Variants in CTNNA3 observed in about 807,000 individuals in gnomAD.
CTNNA3 encodes catenin alpha 3, also known as catenin alpha-3.
Under a neutral mutation model 95.7 loss-of-function variants are expected in CTNNA3, and 76 were observed. The ratio of observed to expected loss-of-function variants is 0.79; its 90% confidence interval spans 0.66 to 0.96. The LOEUF is 0.96. CTNNA3 is among the 40% of genes least tolerant of loss of function. CTNNA3 has a pLI of 0.00. For missense variants in CTNNA3, 1,191 were observed against 1,089.8 expected, an observed-to-expected ratio of 1.09 and a Z score of -1.31; for synonymous variants, 431 against 374.4, an observed-to-expected ratio of 1.15 and a Z score of -1.74.
intron 1 of CTNNA3, among the ~76,000 whole-genome samples, chr10:67,763,195 G>C (rs1841471535): frequency 6.6e-6 from 1 of 151,952 alleles, no homozygotes; most frequent in Non-Finnish European, 1.5e-5. Context: ...ATTCATGCCT[G>C]GCAATGTCGG....
chr10:66,401,266 C>T (rs1049314365), intron 11 of CTNNA3, among the ~76,000 whole-genome samples: 3 of 151,988 alleles, frequency 2.0e-5, no homozygotes, highest in Non-Finnish European at 2.9e-5. Context: ...GTGGCTTATT[C>T]CTATAATCCC....
intron 7 of CTNNA3, among the ~76,000 whole-genome samples, chr10:66,924,019 T>C (rs916326855): frequency 5.3e-5 from 8 of 152,256 alleles, no homozygotes; most frequent in Non-Finnish European, 1.2e-4. Flanking sequence ...CTCTTCCTAC[T>C]AGGAGAAAAT....
chr10:67,252,793 T>C (rs1866163075), intron 5 of CTNNA3, among the ~76,000 whole-genome samples: 1 of 152,190 alleles, frequency 6.6e-6, no homozygotes, highest in African/African-American at 2.4e-5. Flanking sequence ...ACTCAATGTT[T>C]TCTGGTGCAA....
chr10:67,223,597 G>A lies in CTNNA3; in HGVS notation c.580-3727C>T, dbSNP rs79769635. The stretch of plus-strand genomic sequence containing the variant: ...GATTTAAAAAGACCTTAAAGTCTGT[G>A]CAAGTGGGTAGAGAAGTAACATATG... On this transcript the variant is annotated intron_variant, in intron 5 of 17. Transcript: ENST00000433211. 0.013 allele frequency among the ~76,000 whole-genome samples: 1,978 copies of A among 152,336 alleles called. 124 individuals carry two copies. In the East Asian group the frequency reaches 0.19, roughly 15 times the overall value.
chr10:66,748,405 G>C (rs568705678), intron 9 of CTNNA3, among the ~76,000 whole-genome samples: 1 of 152,128 alleles, frequency 6.6e-6, no homozygotes, highest in African/African-American at 2.4e-5. Context: ...GCTAATTTGA[G>C]TGTGACTGTC....
At chr10:66,878,738 C>T (rs1465640544) in intron 7 of CTNNA3, among the ~76,000 whole-genome samples, 5 of 152,088 alleles carry the variant, frequency 3.3e-5, no homozygotes, top group Non-Finnish European at 1.5e-5. Flanking sequence ...CAACACCCTA[C>T]TGGACCAGTA....
intron 4 of CTNNA3, among the ~76,000 whole-genome samples, chr10:67,532,802 T>C (rs903537694): frequency 3.3e-5 from 5 of 152,150 alleles, no homozygotes; most frequent in Non-Finnish European, 7.3e-5. Context: ...CACAAAACCC[T>C]TTCAAGGTAT....
chr10:67,004,898 T>C lies in CTNNA3; in HGVS notation c.1047+175419A>G, dbSNP rs75957402. Among the ~76,000 whole-genome samples, 165 of 152,246 alleles carry C rather than the reference T, an allele frequency of 1.1e-3. No homozygotes were observed. The East Asian group carries it at 0.03, about 27-fold the overall frequency. On this transcript the variant is annotated intron_variant, in intron 7 of 17. Coordinates refer to ENST00000433211, the MANE Select transcript of CTNNA3 (RefSeq NM_013266.4). Reference sequence around the variant, plus strand: ...CCAGCCAAAAGGGAAATAACTCTAGTAGAACGCAGTATTTTAAGAACAGAT... The same window carrying C: ...CCAGCCAAAAGGGAAATAACTCTAGCAGAACGCAGTATTTTAAGAACAGAT...
At chr10:66,699,496 C>G (rs1413600324) in intron 9 of CTNNA3, among the ~76,000 whole-genome samples, 1 of 151,830 alleles carries the variant, frequency 6.6e-6, no homozygotes, top group South Asian at 2.1e-4. Context: ...CATTGAGCAC[C>G]TTTTCATATA....
rs545716529 is a variant in CTNNA3 at position 67,425,637 on chromosome 10, T to C, written c.579+96205A>G. 9.9e-4 allele frequency among the ~76,000 whole-genome samples: 151 copies of C among 152,126 alleles called. 1 individual carries two copies. The highest frequency in any genetic ancestry group is 3.4e-3 in the African/African-American group (140 of 41,526). On this transcript the variant is annotated intron_variant, in intron 5 of 17. Transcript: ENST00000433211. Reference sequence around the variant, plus strand: ...ATATCCATATATTAGCTGCTTTGCCTCAGCCCGCCATCTGAAGGTAGGGTT... The same window carrying C: ...ATATCCATATATTAGCTGCTTTGCCCCAGCCCGCCATCTGAAGGTAGGGTT...
chr10:67,452,290 C>T (rs181009426), intron 5 of CTNNA3, among the ~76,000 whole-genome samples: 1 of 152,044 alleles, frequency 6.6e-6, no homozygotes, highest in Non-Finnish European at 1.5e-5. Flanking sequence ...AAATGAATAA[C>T]GTAATTGCCT....
At chr10:67,725,239 C>T (rs1028464691) in intron 1 of CTNNA3, among the ~76,000 whole-genome samples, 70 of 151,406 alleles carry the variant, frequency 4.6e-4, no homozygotes, top group South Asian at 8.3e-4. Context: ...TGCAGCGGCA[C>T]GATCTCGGCT....
chr10:66,884,422 A>C (rs1844963771), intron 7 of CTNNA3, among the ~76,000 whole-genome samples: 1 of 152,148 alleles, frequency 6.6e-6, no homozygotes, highest in African/African-American at 2.4e-5. Context: ...AGGTGATAAA[A>C]GGTATCACTC....
intron 13 of CTNNA3, among the ~76,000 whole-genome samples, chr10:66,170,378 C>T (rs192368594): frequency 1.5e-4 from 22 of 149,246 alleles, no homozygotes; most frequent in African/African-American, 5.4e-4. Context: ...TAATAAAACA[C>T]TAGATTGCAT....
intron 7 of CTNNA3, among the ~76,000 whole-genome samples, chr10:66,819,571 A>C (rs1842225867): frequency 1.3e-5 from 2 of 152,188 alleles, no homozygotes; most frequent in Non-Finnish European, 2.9e-5. Context: ...ACAAAATGGA[A>C]GAAAAAATAT....
intron 12 of CTNNA3, among the ~76,000 whole-genome samples, chr10:66,327,701 T>A (rs949069320): frequency 2.2e-4 from 33 of 151,870 alleles, no homozygotes; most frequent in African/African-American, 7.3e-4. Context: ...ATTATTAAAA[T>A]TTTTTCCATT....
intron 5 of CTNNA3, among the ~76,000 whole-genome samples, chr10:67,288,407 A>G (rs1053360153): frequency 6.6e-6 from 1 of 152,178 alleles, no homozygotes; most frequent in African/African-American, 2.4e-5. Context: ...TTCATTTATT[A>G]CCAATGCAAC....
chr10:66,206,931 T>A (rs2131936698), intron 13 of CTNNA3, among the ~76,000 whole-genome samples: 1 of 152,070 alleles, frequency 6.6e-6, no homozygotes, highest in Non-Finnish European at 1.5e-5. Flanking sequence ...AACTTTTCAA[T>A]ATAATTAGTA....
At chr10:66,628,129 TCAAGTTA>T (rs1845002640) in intron 9 of CTNNA3, among the ~76,000 whole-genome samples, 1 of 152,068 alleles carries the variant, frequency 6.6e-6, no homozygotes, top group Admixed American at 6.6e-5. Context: ...TATTTTCCCA[TCAAGTTA>T]AATACCCCGA....
Sources: allele counts gnomAD v4.1 joint callset (sites outside exome capture counted in the v4.1 genomes callset), GRCh38; gene constraint gnomAD v4.1.1; transcripts MANE v1.5; gene names NCBI Gene and HGNC (gene_info 2026-07-23, HGNC 2026-07-21).